FOXP2: variants seen among roughly 807,000 people sequenced by gnomAD.
The protein encoded by FOXP2 is forkhead box P2, also known as forkhead box protein P2.
Under a neutral mutation model 115.8 loss-of-function variants are expected in FOXP2, and 12 were observed. The observed-to-expected ratio is 0.10, with a 90% CI of 0.07 to 0.17. The LOEUF is 0.17. Ranked by LOEUF, FOXP2 falls within the 10% of genes least tolerant of loss-of-function variation. FOXP2 has a pLI of 1.00. For missense variants in FOXP2, 629 were observed against 843.5 expected, an observed-to-expected ratio of 0.75 and a Z score of 3.15; for synonymous variants, 328 against 297.7, an observed-to-expected ratio of 1.10 and a Z score of -1.05.
At chr7:114,129,856 A>T (rs932201634) in intron 1 of FOXP2, among the ~76,000 whole-genome samples, 13 of 152,258 alleles carry the variant, frequency 8.5e-5, no homozygotes, top group Non-Finnish European at 1.5e-4. Flanking sequence ...AAATATTTTC[A>T]TAAATCAGGT....
chr7:114,663,622 T>C (rs989968793), intron 15 of FOXP2, 103 bp downstream of exon 15: 1 of 916,156 alleles, frequency 1.1e-6, no homozygotes, highest in African/African-American at 1.7e-5. Context: ...TTCTTAATAG[T>C]TGGTTTATCA....
At chr7:114,178,558 T>G (rs542772109) in intron 1 of FOXP2, among the ~76,000 whole-genome samples, 32 of 152,038 alleles carry the variant, frequency 2.1e-4, no homozygotes, top group African/African-American at 7.0e-4. Flanking sequence ...TGCTTGTATT[T>G]TATAATTTTA....
intron 1 of FOXP2, among the ~76,000 whole-genome samples, chr7:114,256,506 G>C (rs1197180849): frequency 6.6e-6 from 1 of 152,112 alleles, no homozygotes; most frequent in East Asian, 1.9e-4. Flanking sequence ...CTTCTTTTGA[G>C]AAGTGTCTGT....
chr7:114,152,882 T>C (rs1792563922), intron 1 of FOXP2, among the ~76,000 whole-genome samples: 1 of 152,138 alleles, frequency 6.6e-6, no homozygotes, highest in Admixed American at 6.6e-5. Context: ...CTGGTGAGCC[T>C]GCAGCAGGAT....
chr7:114,536,570 G>A (rs1233818559), intron 3 of FOXP2, among the ~76,000 whole-genome samples: 1 of 151,168 alleles, frequency 6.6e-6, no homozygotes, highest in Non-Finnish European at 1.5e-5. Context: ...GTAAAATTTT[G>A]AGCAGAAGTG....
At chr7:114,316,429 C>G (rs922851980) in intron 2 of FOXP2, among the ~76,000 whole-genome samples, 2 of 152,114 alleles carry the variant, frequency 1.3e-5, no homozygotes, top group Admixed American at 6.6e-5. Context: ...TAGTCATCAA[C>G]AAAACAGGTA....
At chr7:114,251,628 C>T (rs1260942688) in intron 1 of FOXP2, among the ~76,000 whole-genome samples, 1 of 152,102 alleles carries the variant, frequency 6.6e-6, no homozygotes. Flanking sequence ...GTGATTTTTG[C>T]ACTTTGAATT....
intron 1 of FOXP2, among the ~76,000 whole-genome samples, chr7:114,155,444 A>G (rs1291497458): frequency 2.0e-5 from 3 of 152,136 alleles, no homozygotes; most frequent in South Asian, 2.1e-4. Context: ...TAAAATAATT[A>G]AAGTGTTTTA....
intron 2 of FOXP2, among the ~76,000 whole-genome samples, chr7:114,406,031 C>A (rs1195797254): frequency 6.6e-6 from 1 of 151,722 alleles, no homozygotes; most frequent in Non-Finnish European, 1.5e-5. Context: ...TAGTAATACA[C>A]AGGTGGATAT....
chr7:114,203,451 A>G (rs1563003919), intron 1 of FOXP2, among the ~76,000 whole-genome samples: 1 of 151,988 alleles, frequency 6.6e-6, no homozygotes, highest in Non-Finnish European at 1.5e-5. Context: ...TCCCACCTCA[A>G]TCTGCTTAGT....
chr7:114,508,655 C>T (rs1797934877), intron 2 of FOXP2, among the ~76,000 whole-genome samples: 1 of 151,908 alleles, frequency 6.6e-6, no homozygotes, highest in Admixed American at 6.6e-5. Context: ...AAAGGTGAGC[C>T]ATTAAAGAGA....
At chr7:114,205,595 TG>T in intron 1 of FOXP2, among the ~76,000 whole-genome samples, 1 of 152,316 alleles carries the variant, frequency 6.6e-6, no homozygotes, top group Admixed American at 6.5e-5. Context: ...TTGAATTCTC[TG>T]GGAAGCATAT....
intron 6 of FOXP2, among the ~76,000 whole-genome samples, chr7:114,637,451 C>G (rs886779843): frequency 6.6e-6 from 1 of 152,062 alleles, no homozygotes; most frequent in Non-Finnish European, 1.5e-5. Context: ...TAAAAGTTGT[C>G]TATTAATCAT....
At chr7:114,628,334 T>G (rs1384623719) in intron 3 of FOXP2, among the ~76,000 whole-genome samples, 1 of 152,194 alleles carries the variant, frequency 6.6e-6, no homozygotes, top group Non-Finnish European at 1.5e-5. Context: ...AAGAGTTTGA[T>G]GAAATCTGAT....
chr7:114,264,184 G>C (rs1269568688), intron 1 of FOXP2, among the ~76,000 whole-genome samples: 2 of 152,136 alleles, frequency 1.3e-5, no homozygotes, highest in Non-Finnish European at 2.9e-5. Flanking sequence ...TTATACCAGA[G>C]AGCTGTCCAG....
chr7:114,642,070 T>A (rs981344654), intron 6 of FOXP2, among the ~76,000 whole-genome samples: 1 of 151,936 alleles, frequency 6.6e-6, no homozygotes, highest in Non-Finnish European at 1.5e-5. Flanking sequence ...CCTCCCAGAG[T>A]GCTGGGATTA....
intron 8 of FOXP2, among the ~76,000 whole-genome samples, chr7:114,650,505 G>GA (rs1438304211): frequency 6.6e-6 from 1 of 152,012 alleles, no homozygotes; most frequent in African/African-American, 2.4e-5. Flanking sequence ...TATGCTGGTA[G>GA]AAAATTGTCT....
intron 2 of FOXP2, among the ~76,000 whole-genome samples, chr7:114,295,575 T>A (rs1301307931): frequency 6.6e-6 from 1 of 152,210 alleles, no homozygotes; most frequent in African/African-American, 2.4e-5. Flanking sequence ...GGGATGACTA[T>A]GAAACCTCAT....
intron 10 of FOXP2, 182 bp downstream of exon 10, chr7:114,654,191 A>G: frequency 7.1e-7 from 1 of 1,411,426 alleles, no homozygotes; most frequent in Non-Finnish European, 9.4e-7. Flanking sequence ...TATCTTTTAC[A>G]AAATCTATCC....
Sources: allele counts gnomAD v4.1 joint callset (sites outside exome capture counted in the v4.1 genomes callset), GRCh38; gene constraint gnomAD v4.1.1; transcripts MANE v1.5; gene names NCBI Gene and HGNC (gene_info 2026-07-23, HGNC 2026-07-21).